ABCA9: variants seen among roughly 807,000 people sequenced by gnomAD.
ABCA9 encodes the protein ATP binding cassette subfamily A member 9.
A neutral mutation model predicts 205.3 loss-of-function variants in ABCA9; 183 were observed. The ratio of observed to expected loss-of-function variants is 0.89; its 90% CI spans 0.79 to 1.01. ABCA9 has a LOEUF of 1.01. ABCA9 is among the 50% of genes least tolerant of loss of function. The probability of loss-of-function intolerance (pLI) is 0.00; values close to 1 mark genes in which losing one functional copy is unlikely to be tolerated. For missense variants in ABCA9, 1,805 were observed against 1,912.4 expected (o/e 0.94, Z 1.05); for synonymous variants, 651 against 683.3 (o/e 0.95, Z 0.74).
At chr17:69,059,320 T>C (rs974135798) in intron 1 of ABCA9, among the ~76,000 whole-genome samples, 8 of 151,964 alleles carry the variant, frequency 5.3e-5, no homozygotes, top group African/African-American at 1.9e-4. Context: ...TCAGCTGACT[T>C]TGAAATAGGG....
chr17:69,057,832 C>CT (rs972456214), intron 1 of ABCA9, among the ~76,000 whole-genome samples: 1 of 149,424 alleles, frequency 6.7e-6, no homozygotes, highest in Non-Finnish European at 1.5e-5. Context: ...CATGTAGAAG[C>CT]TTTTTTTTTC....
intron 13 of ABCA9, 87 bp downstream of exon 13, chr17:69,027,553 T>C: frequency 6.4e-7 from 1 of 1,555,756 alleles, no homozygotes; most frequent in African/African-American, 1.4e-5. Flanking sequence ...GAAATTTAGA[T>C]GAGGAATTAT....
At chr17:69,074,409 G>A in the ABCA9 span, among the ~76,000 whole-genome samples, 1 of 152,022 alleles carries the variant, frequency 6.6e-6, no homozygotes, top group Non-Finnish European at 1.5e-5. Context: ...TCCCTCCCTC[G>A]TCTGTTAGTC....
chr17:69,026,170 T>G (rs377543656), intron 16 of ABCA9, among the ~76,000 whole-genome samples: 2 of 152,328 alleles, frequency 1.3e-5, no homozygotes, highest in African/African-American at 4.8e-5. Context: ...TATTTAAGCC[T>G]AGATTAATCA....
chr17:69,008,270 T>C, intron 23 of ABCA9, 35 bp from the exon 24 acceptor site: 1 of 1,581,452 alleles, frequency 6.3e-7, no homozygotes, highest in Non-Finnish European at 8.6e-7. Flanking sequence ...CAAAAGGTTC[T>C]GAAGAGCTGA....
intron 6 of ABCA9, among the ~76,000 whole-genome samples, chr17:69,038,993 A>G (rs1230651391): frequency 1.3e-5 from 2 of 152,192 alleles, no homozygotes; most frequent in Non-Finnish European, 2.9e-5. Flanking sequence ...ATACCTAGGA[A>G]TACAACTTAC....
chr17:69,056,290 G>A (rs1235513820), intron 1 of ABCA9, among the ~76,000 whole-genome samples: 1 of 152,004 alleles, frequency 6.6e-6, no homozygotes, highest in East Asian at 1.9e-4. Context: ...GAAAAAAGAG[G>A]GAGAGAACAC....
At position 69,045,243 on chromosome 17, in the gene ABCA9, G is replaced by A. The variant is rs2071672451; in HGVS notation, c.398C>T (p.Thr133Ile). The change falls in exon 4 of 39, where the codon ACC becomes ATC. Residue 133 changes from threonine to isoleucine, a missense_variant. Coordinates refer to ENST00000340001, the MANE Select transcript of ABCA9 (RefSeq NM_080283.4). ...AGAAAACTTCAAATGGTAGGAGAAG[G>A]TATCAGTAAAGATGACTCTCACTGC... ...IDAVRVIFTD[T>I]FSYHLKFSWG... 2.5e-6 allele frequency: 4 copies of A among 1,612,972 alleles called. No homozygotes were observed. The highest frequency in any genetic ancestry group is 2.5e-6 in the Non-Finnish European group (3 of 1,179,578).
Position 69,049,443 on chromosome 17 carries a change from G to A in ABCA9, c.144C>T (p.Phe48=), listed in dbSNP as rs1315317529. 1.2e-6 allele frequency: 2 copies of A among 1,612,864 alleles called. No homozygotes were observed. The highest frequency in any genetic ancestry group is 2.2e-5 in the East Asian group (1 of 44,784). ...FLLVLFLYLF[F]SNLHQVHDTP... The stretch of plus-strand genomic sequence containing the variant: ...TGTCATGAACTTGATGTAAATTGGA[G>A]AAAAATAGGTACAGAAACAGTACCA... Residue 48 remains phenylalanine (F), a synonymous_variant, in exon 3 of 39, where the codon TTC becomes TTT. Transcript: ENST00000340001.
rs978884105 is a variant in ABCA9, at chr17:69,020,574, C to T, written c.2414G>A (p.Trp805Ter). The T allele has an allele frequency of 6.2e-7, 1 of 1,613,358 alleles. No homozygotes were observed. Residue 805 changes from tryptophan (W) to a stop codon, truncating the protein, a stop_gained, in exon 19 of 39, where the codon TGG becomes TAG. Coordinates refer to ENST00000340001, the MANE Select transcript of ABCA9 (RefSeq NM_080283.4). LOFTEE classifies it high-confidence loss of function. ...STIDESDIGIWGQLQTDGAKD... is the reference protein window; with the variant it reads ...STIDESDIGI Reference sequence around the variant, plus strand: ...TGCCCCATCAGTTTGTAATTGTCCCCAAATTCCAATATCTAAAACATAAGA... The same window carrying T: ...TGCCCCATCAGTTTGTAATTGTCCCTAAATTCCAATATCTAAAACATAAGA...
intron 1 of ABCA9, among the ~76,000 whole-genome samples, chr17:69,053,923 C>T (rs1463324497): frequency 6.6e-6 from 1 of 151,970 alleles, no homozygotes; most frequent in African/African-American, 2.4e-5. Context: ...AGAAAAAAAT[C>T]TTAAAGAAGC....
intron 22 of ABCA9, among the ~76,000 whole-genome samples, chr17:69,014,345 A>G (rs1348116028): frequency 6.6e-6 from 1 of 152,180 alleles, no homozygotes; most frequent in Non-Finnish European, 1.5e-5. Context: ...GCTCTGTGTA[A>G]AAGGTGCACA....
At chr17:69,037,572 A>G (rs2071386628) in intron 6 of ABCA9, among the ~76,000 whole-genome samples, 1 of 152,226 alleles carries the variant, frequency 6.6e-6, no homozygotes, top group South Asian at 2.1e-4. Context: ...AGCAGTGTTT[A>G]GAGGAAAATT....
chr17:69,005,563 T>C (rs2070097320), intron 25 of ABCA9, among the ~76,000 whole-genome samples: 1 of 152,238 alleles, frequency 6.6e-6, no homozygotes, highest in Non-Finnish European at 1.5e-5. Flanking sequence ...TCAAAATTGC[T>C]TGTTGAGGAT....
rs974409800 is a variant in ABCA9 at position 69,049,327 on chromosome 17, G to T, written c.260C>A (p.Thr87Asn). 1 of 1,613,224 alleles carries T rather than the reference G, an allele frequency of 6.2e-7. No individual in the cohort carries two copies. Among genetic ancestry groups the T allele is most frequent in the Non-Finnish European group, 8.5e-7 (1 of 1,179,522 alleles). ...VIAFAPESKT[T>N]QEIMNKVASA... is the part of the protein sequence containing the mutation. ...AGCCACTTTGTTCATTATCTCTTGGGTAGTTTTGGATTCAGGTGCAAATGC... is the reference window on the plus strand; with the variant it reads ...AGCCACTTTGTTCATTATCTCTTGGTTAGTTTTGGATTCAGGTGCAAATGC... The change falls in exon 3 of 39, where the codon ACC becomes AAC. Residue 87 changes from threonine (T) to asparagine (N), a missense_variant. Transcript: ENST00000340001.
chr17:69,029,201 G>A lies in ABCA9; in HGVS notation c.1472C>T (p.Ala491Val), dbSNP rs1206861521. Reference protein sequence around the residue: ...IRIKNLKKEYAGKCERVEALK... With the variant: ...IRIKNLKKEYVGKCERVEALK... ...AGCTTCTACTCTCTCACACTTCCCT[G>A]CATATTCTTTTTTAAGATTTTTGAT... is the stretch of plus-strand genomic sequence containing the variant. Residue 491 changes from alanine (A) to valine (V), a missense_variant, in exon 11 of 39, where the codon GCA (alanine) becomes GTA (valine). Coordinates refer to ENST00000340001, the MANE Select transcript of ABCA9 (RefSeq NM_080283.4). 6.4e-7 allele frequency: 1 copy of A among 1,559,808 alleles called. No individual in the cohort carries two copies. The highest frequency in any genetic ancestry group is 8.8e-7 in the Non-Finnish European group (1 of 1,142,614).
At chr17:69,077,815 G>C in the ABCA9 span, among the ~76,000 whole-genome samples, 1 of 150,222 alleles carries the variant, frequency 6.7e-6, no homozygotes, top group Non-Finnish European at 1.5e-5. Flanking sequence ...TTTTTTTTTT[G>C]GTGATATTCA....
At chr17:69,043,094 C>A (rs113247277) in intron 6 of ABCA9, 4,717 of 175,052 alleles carry the variant, frequency 0.027, 235 homozygotes, top group African/African-American at 0.11. Context: ...GACAGATCAT[C>A]AGGCATTGGA....
At chr17:69,070,501 C>T in the ABCA9 span, among the ~76,000 whole-genome samples, 1 of 152,118 alleles carries the variant, frequency 6.6e-6, no homozygotes, top group African/African-American at 2.4e-5. Flanking sequence ...TCAAGGAACT[C>T]CCTCCCCTAG....
Sources: gnomAD v4.1 joint callset for allele counts (sites outside exome capture counted in the v4.1 genomes callset) on GRCh38, gnomAD v4.1.1 for gene constraint, MANE v1.5 for transcripts, NCBI Gene and HGNC (gene_info 2026-07-23, HGNC 2026-07-21) for gene names.